Variants in KCNT2 observed in about 807,000 individuals in gnomAD.
KCNT2 encodes potassium channel subfamily T member 2.
KCNT2 carries 67 observed loss-of-function variants against 153.8 expected under a neutral mutation model. The observed-to-expected ratio is 0.44, with a 90% CI of 0.36 to 0.53. The LOEUF (loss-of-function observed/expected upper bound fraction) is 0.53. Ranked by LOEUF, KCNT2 falls within the 20% of genes least tolerant of loss-of-function variation. KCNT2 has a pLI of 0.00. For missense variants in KCNT2, 975 were observed against 1,354.8 expected, an observed-to-expected ratio of 0.72 and a Z score of 4.40; for synonymous variants, 500 against 458.8, an observed-to-expected ratio of 1.09 and a Z score of -1.15.
rs886943979 is a variant in KCNT2 at position 196,608,368 on chromosome 1, A to T, written c.-59T>A. 7.9e-5 allele frequency: 109 copies of T among 1,378,666 alleles called. No homozygotes were observed. The highest frequency in any genetic ancestry group is 1.1e-4 in the Non-Finnish European group (105 of 966,006). 85.4% of individuals were successfully genotyped at this position (1,378,666 alleles called of 1,614,324 possible). On this transcript the variant is annotated 5_prime_UTR_variant, in exon 1 of 28. Transcript: ENST00000294725. ...AATGGAGGAGAGGAGGGAGAAAGAA[A>T]GAAAATATTGCGGAGTACAGGGAGA...
At chr1:196,535,522 C>A (rs193204352) in intron 1 of KCNT2, among the ~76,000 whole-genome samples, 117 of 152,252 alleles carry the variant, frequency 7.7e-4, no homozygotes, top group African/African-American at 2.7e-3. Context: ...TAAAAAGTTT[C>A]TCTAAAACAT....
chr1:196,588,456 CCTTA>C (rs1347400105), intron 1 of KCNT2, among the ~76,000 whole-genome samples: 1 of 152,016 alleles, frequency 6.6e-6, no homozygotes, highest in Non-Finnish European at 1.5e-5. Flanking sequence ...CCTTTACTTT[CCTTA>C]CTAACACATA....
chr1:196,548,636 C>T (rs568690969), intron 1 of KCNT2, among the ~76,000 whole-genome samples: 25 of 152,100 alleles, frequency 1.6e-4, no homozygotes, highest in African/African-American at 5.5e-4. Context: ...ACCATTTGAC[C>T]CAGCCATCCC....
chr1:196,504,338 G>C (rs1680948799), intron 1 of KCNT2, among the ~76,000 whole-genome samples: 1 of 149,630 alleles, frequency 6.7e-6, no homozygotes, highest in African/African-American at 2.5e-5. Flanking sequence ...TGCGGTGTTT[G>C]GTTTTTTGTC....
At chr1:196,562,710 T>C (rs1659578989) in intron 1 of KCNT2, among the ~76,000 whole-genome samples, 1 of 147,134 alleles carries the variant, frequency 6.8e-6, no homozygotes. Context: ...TTTCTTCTCT[T>C]TTTTTTTTTT....
At position 196,409,036 on chromosome 1, in the gene KCNT2, G is replaced by T. The variant is rs528229923; in HGVS notation, c.1186-10365C>A. 1.8e-3 allele frequency among the ~76,000 whole-genome samples: 265 copies of T among 145,364 alleles called. 1 individual carries two copies. Among genetic ancestry groups the T allele is most frequent in the Non-Finnish European group, 2.2e-3 (146 of 65,992 alleles). On this transcript the variant is annotated intron_variant, in intron 12 of 27. Coordinates refer to ENST00000294725, the MANE Select transcript of KCNT2 (RefSeq NM_198503.5). ...ATTTTATACTTCATGTATATTGAGG[G>T]TTTTTTTTTATATGAAGCACACACA...
chr1:196,574,282 T>C (rs1661109832), intron 1 of KCNT2, among the ~76,000 whole-genome samples: 1 of 151,938 alleles, frequency 6.6e-6, no homozygotes, highest in Non-Finnish European at 1.5e-5. Context: ...CTTAAGAGTC[T>C]ATCTTCATAC....
At chr1:196,396,290 T>C (rs1670930371) in intron 13 of KCNT2, among the ~76,000 whole-genome samples, 1 of 151,742 alleles carries the variant, frequency 6.6e-6, no homozygotes, top group South Asian at 2.1e-4. Flanking sequence ...TTACACAGTG[T>C]AAGTTTTGTT....
At chr1:196,592,532 C>T (rs1262706991) in intron 1 of KCNT2, among the ~76,000 whole-genome samples, 2 of 146,448 alleles carry the variant, frequency 1.4e-5, no homozygotes, top group African/African-American at 2.5e-5. Context: ...ATATAACTTT[C>T]TAACTATATA....
chr1:196,444,023 G>T (rs546145511), intron 8 of KCNT2, among the ~76,000 whole-genome samples: 3 of 151,278 alleles, frequency 2.0e-5, no homozygotes, highest in African/African-American at 7.3e-5. Flanking sequence ...TTAAAAAAGG[G>T]CCTAGAAATG....
At chr1:196,282,150 A>T (rs1659172231) in intron 24 of KCNT2, 123 bp downstream of exon 24, 1 of 493,252 alleles carries the variant, frequency 2.0e-6, no homozygotes, top group African/African-American at 2.0e-5. Flanking sequence ...AAAAACTCAA[A>T]TGCATCTGGA....
At chr1:196,552,306 T>C (rs1340466625) in intron 1 of KCNT2, among the ~76,000 whole-genome samples, 1 of 151,556 alleles carries the variant, frequency 6.6e-6, no homozygotes, top group Non-Finnish European at 1.5e-5. Context: ...GAGGAATTAC[T>C]GATTGTTTTA....
At chr1:196,328,230 A>G (rs750009329) in intron 18 of KCNT2, among the ~76,000 whole-genome samples, 2 of 152,140 alleles carry the variant, frequency 1.3e-5, no homozygotes, top group Non-Finnish European at 2.9e-5. Context: ...CTTGAAGTAA[A>G]GAGTGTAACT....
chr1:196,510,781 T>C (rs1490981794), intron 1 of KCNT2, among the ~76,000 whole-genome samples: 2 of 152,182 alleles, frequency 1.3e-5, no homozygotes, highest in Non-Finnish European at 2.9e-5. Flanking sequence ...AGCCACCTTG[T>C]GTGAGGTCAC....
chr1:196,420,916 A>G (rs1037625705), intron 12 of KCNT2, among the ~76,000 whole-genome samples: 1 of 152,072 alleles, frequency 6.6e-6, no homozygotes, highest in Non-Finnish European at 1.5e-5. Context: ...CCAGCAATGG[A>G]TATGTACAGG....
intron 16 of KCNT2, 138 bp from the exon 17 acceptor site, chr1:196,334,198 A>C (rs1015277860): frequency 1.7e-6 from 1 of 596,470 alleles, no homozygotes; most frequent in East Asian, 2.8e-5. Flanking sequence ...CGTGTGGTGT[A>C]TAAGTTTAGT....
intron 25 of KCNT2, among the ~76,000 whole-genome samples, chr1:196,269,552 G>T (rs1350136435): frequency 6.6e-6 from 1 of 151,982 alleles, no homozygotes; most frequent in Non-Finnish European, 1.5e-5. Flanking sequence ...AAGAATATGG[G>T]ACTATATACA....
intron 1 of KCNT2, among the ~76,000 whole-genome samples, chr1:196,550,031 G>A (rs1442849288): frequency 1.3e-5 from 2 of 151,700 alleles, no homozygotes; most frequent in East Asian, 3.9e-4. Context: ...CCTTTCTCTG[G>A]CCCCATATCA....
chr1:196,500,843 A>T (rs1680641613), intron 1 of KCNT2, among the ~76,000 whole-genome samples: 1 of 152,184 alleles, frequency 6.6e-6, no homozygotes, highest in African/African-American at 2.4e-5. Flanking sequence ...AACTCAAACA[A>T]CTCAACAAGA....
Sources: allele counts gnomAD v4.1 joint callset (sites outside exome capture counted in the v4.1 genomes callset), GRCh38; gene constraint gnomAD v4.1.1; transcripts MANE v1.5; gene names NCBI Gene and HGNC (gene_info 2026-07-23, HGNC 2026-07-21).